ZCCHC7: variants seen among roughly 807,000 people sequenced by gnomAD.
The protein encoded by ZCCHC7 is zinc finger CCHC domain-containing protein 7.
Under a neutral mutation model 52.0 loss-of-function variants are expected in ZCCHC7, and 35 were observed. The observed-to-expected ratio is 0.67, with a 90% CI of 0.51 to 0.89. The LOEUF (loss-of-function observed/expected upper bound fraction) is 0.89, where lower values mean the gene tolerates loss of function less well. Among genes scored for constraint, ZCCHC7 ranks in the 40% least tolerant of loss-of-function variants. The pLI is 0.00. For synonymous variants in ZCCHC7, 217 were observed against 221.5 expected (o/e 0.98, Z 0.18); for missense variants, 574 against 649.1 (o/e 0.88, Z 1.26).
chr9:37,132,910 G>A (rs950490234), intron 2 of ZCCHC7, among the ~76,000 whole-genome samples: 3 of 152,142 alleles, frequency 2.0e-5, no homozygotes, highest in Non-Finnish European at 2.9e-5. Context: ...AGGCCGAGGC[G>A]GGCGGATCAC....
chr9:37,349,379 A>G lies in ZCCHC7; in HGVS notation c.1010A>G (p.Lys337Arg). The change falls in exon 7 of 9, where the codon AAG becomes AGG. Residue 337 changes from lysine to arginine, a missense_variant. Lys to Arg is a conservative substitution (Grantham distance 26, BLOSUM62 2). Transcript: ENST00000336755. ...HLTTKPGPPK[K>R]PKTPSRPSAL... ...CAGACCAAACCTGGACCACCCAAAAAGCCGAAGACCCCTTCAAGACCATCA... is the reference window on the plus strand; with the variant it reads ...CAGACCAAACCTGGACCACCCAAAAGGCCGAAGACCCCTTCAAGACCATCA... 1 of 1,614,076 alleles carries G rather than the reference A, an allele frequency of 6.2e-7. No individual in the cohort carries two copies. The highest frequency in any genetic ancestry group is 8.5e-7 in the Non-Finnish European group (1 of 1,179,970).
intron 6 of ZCCHC7, 104 bp from the exon 7 acceptor site, chr9:37,349,252 TA>T: frequency 8.8e-7 from 1 of 1,142,012 alleles, no homozygotes; most frequent in Non-Finnish European, 1.3e-6. Flanking sequence ...TACAAAACTC[TA>T]AGAAACTTCT....
intron 5 of ZCCHC7, among the ~76,000 whole-genome samples, chr9:37,320,098 G>A (rs1829991717): frequency 6.6e-6 from 1 of 152,044 alleles, no homozygotes; most frequent in African/African-American, 2.4e-5. Context: ...TTGTTTTTGA[G>A]ACCAAGTCTC....
chr9:37,199,690 TTCTGTCTGTCTTTCTTTCTG>T (rs1823514926), intron 2 of ZCCHC7, among the ~76,000 whole-genome samples: 2 of 67,990 alleles, frequency 2.9e-5, no homozygotes, highest in East Asian at 5.2e-4. Context: ...CTGTCTGTCT[TTCTGTCTGTCTTTCTTTCTG>T]TCTTTCTTTC....
chr9:37,164,958 A>C (rs1482479859), intron 2 of ZCCHC7, among the ~76,000 whole-genome samples: 1 of 152,252 alleles, frequency 6.6e-6, no homozygotes, highest in Non-Finnish European at 1.5e-5. Flanking sequence ...ATATCCATTG[A>C]GAATTGACAT....
chr9:37,233,146 G>T (rs1460370902), intron 2 of ZCCHC7, among the ~76,000 whole-genome samples: 2 of 152,112 alleles, frequency 1.3e-5, no homozygotes, highest in African/African-American at 4.8e-5. Flanking sequence ...ATTTCTAAAA[G>T]CCCATTGCAT....
chr9:37,244,351 T>G (rs1229750198), intron 2 of ZCCHC7, among the ~76,000 whole-genome samples: 3 of 151,850 alleles, frequency 2.0e-5, no homozygotes, highest in Non-Finnish European at 4.4e-5. Flanking sequence ...CTACTGAATA[T>G]ACCATAGTAT....
rs140350105 is a variant in ZCCHC7, at chr9:37,267,278, G to A, written c.611-34910G>A. On this transcript the variant is annotated intron_variant, in intron 2 of 8. Transcript: ENST00000336755. ...TTTACTAGCCAAAACAGTATACTCA[G>A]CCCTAGAACAGAATTCTCTGTCGCT... Among the ~76,000 whole-genome samples the A allele has an allele frequency of 1.6e-4, 25 of 152,258 alleles. No homozygotes were observed. In the East Asian group the frequency reaches 4.8e-3, roughly 29 times the overall value.
chr9:37,355,771 G>A (rs1236117040), intron 8 of ZCCHC7, among the ~76,000 whole-genome samples: 1 of 152,130 alleles, frequency 6.6e-6, no homozygotes, highest in Non-Finnish European at 1.5e-5. Flanking sequence ...TCCTCATTTG[G>A]TTGAAAAAAT....
At chr9:37,243,564 G>A (rs1279913142) in intron 2 of ZCCHC7, among the ~76,000 whole-genome samples, 1 of 151,828 alleles carries the variant, frequency 6.6e-6, no homozygotes, top group Non-Finnish European at 1.5e-5. Context: ...CCACTGTGCA[G>A]TATTCAAGGT....
chr9:37,344,466 C>G (rs1564268316), intron 6 of ZCCHC7, among the ~76,000 whole-genome samples: 1 of 152,224 alleles, frequency 6.6e-6, no homozygotes, highest in African/African-American at 2.4e-5. Context: ...ACCTACTCCA[C>G]TTCCAAATTT....
At chr9:37,279,135 C>G (rs1366652948) in intron 2 of ZCCHC7, among the ~76,000 whole-genome samples, 1 of 150,916 alleles carries the variant, frequency 6.6e-6, no homozygotes, top group Non-Finnish European at 1.5e-5. Context: ...CTCCTGTTTT[C>G]AAAAAGGAAT....
At chr9:37,233,066 A>G (rs1825482335) in intron 2 of ZCCHC7, among the ~76,000 whole-genome samples, 1 of 152,214 alleles carries the variant, frequency 6.6e-6, no homozygotes, top group Non-Finnish European at 1.5e-5. Flanking sequence ...ATGGATTCCT[A>G]TAGGTAAGGT....
chr9:37,337,617 C>G (rs1247636667), intron 6 of ZCCHC7, among the ~76,000 whole-genome samples: 1 of 152,076 alleles, frequency 6.6e-6, no homozygotes, highest in South Asian at 2.1e-4. Flanking sequence ...ATCGGCTGGT[C>G]TGAAGCCTCA....
intron 2 of ZCCHC7, among the ~76,000 whole-genome samples, chr9:37,268,358 A>G (rs183376900): frequency 2.0e-5 from 3 of 152,018 alleles, no homozygotes; most frequent in South Asian, 2.1e-4. Context: ...GAAACAAAGT[A>G]GTAAACTTCA....
chr9:37,260,522 T>C (rs1826815101), intron 2 of ZCCHC7, among the ~76,000 whole-genome samples: 1 of 152,208 alleles, frequency 6.6e-6, no homozygotes, highest in South Asian at 2.1e-4. Context: ...TAGAGGCCCC[T>C]TTTGAGAGCA....
Position 37,159,689 on chromosome 9 carries a change from C to T in ZCCHC7, c.610+32747C>T, listed in dbSNP as rs373046359. Among the ~76,000 whole-genome samples, 4 of 152,172 alleles carry T rather than the reference C, an allele frequency of 2.6e-5. No homozygotes were observed. The East Asian group carries it at 5.8e-4, about 22-fold the overall frequency. On this transcript the variant is annotated intron_variant, in intron 2 of 8. Transcript: ENST00000336755. ...CCGTTCTGTTCCTATAACATTTGCT[C>T]TTCCATTTTGAAGCTACAACAGTGT...
chr9:37,296,310 AAAG>A (rs1431205107), intron 2 of ZCCHC7, among the ~76,000 whole-genome samples: 1 of 152,208 alleles, frequency 6.6e-6, no homozygotes, highest in Non-Finnish European at 1.5e-5. Context: ...AGATGTATAA[AAAG>A]AAGGTGTGGA....
intron 2 of ZCCHC7, among the ~76,000 whole-genome samples, chr9:37,171,990 C>T (rs546598687): frequency 6.6e-6 from 1 of 152,144 alleles, no homozygotes; most frequent in East Asian, 1.9e-4. Flanking sequence ...TGATTTTTTT[C>T]TATCAAATTC....
Sources: allele counts gnomAD v4.1 joint callset (sites outside exome capture counted in the v4.1 genomes callset), GRCh38; gene constraint gnomAD v4.1.1; transcripts MANE v1.5; gene names NCBI Gene and HGNC (gene_info 2026-07-23, HGNC 2026-07-21).